Variants in KDM2A observed in about 807,000 individuals in gnomAD.
KDM2A encodes the protein lysine demethylase 2A, also known as lysine-specific demethylase 2A.
A neutral mutation model predicts 137.3 loss-of-function variants in KDM2A; 3 were observed. That is an observed-to-expected ratio of 0.02 (90% CI 0.01 to 0.06). The LOEUF (loss-of-function observed/expected upper bound fraction) is 0.06. KDM2A is among the 10% of genes least tolerant of loss of function. The pLI, the probability that KDM2A is intolerant of heterozygous loss-of-function variation, is 1.00. For synonymous variants in KDM2A, 512 were observed against 541.5 expected (o/e 0.95, Z 0.76); for missense variants, 738 against 1,510.6 (o/e 0.49, Z 8.48).
At chr11:67,223,118 G>C (rs1858419822) in intron 10 of KDM2A, among the ~76,000 whole-genome samples, 1 of 151,724 alleles carries the variant, frequency 6.6e-6, no homozygotes. Flanking sequence ...CTTGAACCTG[G>C]GAGGCGGAGG....
intron 2 of KDM2A, among the ~76,000 whole-genome samples, chr11:67,158,439 A>C (rs1856567943): frequency 6.6e-6 from 1 of 152,204 alleles, no homozygotes; most frequent in Non-Finnish European, 1.5e-5. Context: ...TTGAGTCAGC[A>C]CATTTTATGG....
At chr11:67,175,488 G>T (rs1222924680) in intron 2 of KDM2A, among the ~76,000 whole-genome samples, 2 of 152,188 alleles carry the variant, frequency 1.3e-5, no homozygotes, top group African/African-American at 2.4e-5. Context: ...CTTTCCAGTT[G>T]CAATAATCAA....
At chr11:67,211,229 A>T (rs1857969024) in intron 6 of KDM2A, among the ~76,000 whole-genome samples, 1 of 152,010 alleles carries the variant, frequency 6.6e-6, no homozygotes, top group Admixed American at 6.6e-5. Flanking sequence ...GGTAAAATTG[A>T]TGTTCAGTAA....
chr11:67,236,753 G>T (rs768252885), intron 12 of KDM2A, among the ~76,000 whole-genome samples: 8 of 152,128 alleles, frequency 5.3e-5, no homozygotes, highest in Non-Finnish European at 8.8e-5. Flanking sequence ...TTAATAAGCA[G>T]TGCATTATTA....
chr11:67,142,338 A>G (rs893371100), intron 2 of KDM2A, among the ~76,000 whole-genome samples: 6 of 148,404 alleles, frequency 4.0e-5, no homozygotes, highest in African/African-American at 1.5e-4. Context: ...CGCCCACTGT[A>G]TATCTAGTTT....
rs540198113 is a variant in KDM2A at position 67,129,661 on chromosome 11, G to A, written c.42+8303G>A. On this transcript the variant is annotated intron_variant, in intron 2 of 20. Coordinates refer to ENST00000529006, the MANE Select transcript of KDM2A (RefSeq NM_012308.3). Reference sequence around the variant, plus strand: ...AGGCAGGAGAATGGTGTGAACCCGGGAGGCGGAGCTTGCAGTGAGCCCAGA... The same window carrying A: ...AGGCAGGAGAATGGTGTGAACCCGGAAGGCGGAGCTTGCAGTGAGCCCAGA... Among the ~76,000 whole-genome samples, 5 of 151,328 alleles carry A rather than the reference G, an allele frequency of 3.3e-5. No homozygotes were observed. The South Asian group carries it at 1.0e-3, about 32-fold the overall frequency.
intron 5 of KDM2A, among the ~76,000 whole-genome samples, chr11:67,201,908 T>TC (rs1232029281): frequency 6.6e-6 from 1 of 151,554 alleles, no homozygotes; most frequent in Non-Finnish European, 1.5e-5. Context: ...TGAGCTCTGA[T>TC]CTTGCCACTC....
chr11:67,205,289 A>G (rs754459566), intron 5 of KDM2A, among the ~76,000 whole-genome samples: 3 of 152,166 alleles, frequency 2.0e-5, no homozygotes, highest in Non-Finnish European at 2.9e-5. Context: ...CCATTGCCTT[A>G]CATTATTAGT....
At chr11:67,130,483 T>C (rs928844328) in intron 2 of KDM2A, among the ~76,000 whole-genome samples, 2 of 152,174 alleles carry the variant, frequency 1.3e-5, no homozygotes, top group Non-Finnish European at 2.9e-5. Context: ...AAACTGTGCC[T>C]AGGTTTTGCT....
At chr11:67,180,051 T>C in intron 2 of KDM2A, 28 bp from the exon 3 acceptor site, 1 of 1,592,340 alleles carries the variant, frequency 6.3e-7, no homozygotes, top group Non-Finnish European at 8.6e-7. Context: ...AGTGCATGAT[T>C]TCATCAGTAT....
intron 2 of KDM2A, among the ~76,000 whole-genome samples, chr11:67,151,688 A>G (rs1333148129): frequency 6.6e-6 from 1 of 152,144 alleles, no homozygotes; most frequent in Non-Finnish European, 1.5e-5. Context: ...AAAGGATTAA[A>G]ATAGCCCCAT....
intron 5 of KDM2A, among the ~76,000 whole-genome samples, chr11:67,200,413 T>C (rs1857589861): frequency 6.6e-6 from 1 of 152,108 alleles, no homozygotes; most frequent in Admixed American, 6.5e-5. Context: ...GAGATGGGGT[T>C]TCACCATGTT....
At position 67,221,391 on chromosome 11, in the gene KDM2A, TA is replaced by T. The variant is rs553697963; in HGVS notation, c.957+1993del. ...AACTTTTTGGTAGAATTAAAAGTAT[TA>T]AAAATTTTAAAATAACAATTAATGA... On this transcript the variant is annotated intron_variant, in intron 10 of 20. Coordinates refer to ENST00000529006, the MANE Select transcript of KDM2A (RefSeq NM_012308.3). Among the ~76,000 whole-genome samples the T allele has an allele frequency of 2.6e-5, 4 of 152,336 alleles. No individual in the cohort carries two copies. The South Asian group carries it at 8.3e-4, about 32-fold the overall frequency.
chr11:67,184,120 G>T (rs1050913426), intron 5 of KDM2A, among the ~76,000 whole-genome samples: 2 of 148,414 alleles, frequency 1.3e-5, no homozygotes, highest in Non-Finnish European at 3.0e-5. Flanking sequence ...AAAAAAGGCA[G>T]GTGGGGCAGT....
intron 5 of KDM2A, among the ~76,000 whole-genome samples, chr11:67,201,790 A>G (rs1250729797): frequency 6.8e-6 from 1 of 146,876 alleles, no homozygotes; most frequent in Non-Finnish European, 1.5e-5. Context: ...AAAAAAAAAA[A>G]AAAAAAAAAA....
At chr11:67,137,998 A>G (rs1368897734) in intron 2 of KDM2A, among the ~76,000 whole-genome samples, 1 of 152,116 alleles carries the variant, frequency 6.6e-6, no homozygotes, top group Non-Finnish European at 1.5e-5. Context: ...GGGTTTCACC[A>G]TGTTGGCCAG....
intron 13 of KDM2A, among the ~76,000 whole-genome samples, chr11:67,244,277 A>G (rs1189157792): frequency 1.3e-5 from 2 of 152,252 alleles, no homozygotes; most frequent in Admixed American, 6.5e-5. Flanking sequence ...TGAAAAGGTC[A>G]CCAGCAGGGT....
chr11:67,147,333 G>A (rs543768198), intron 2 of KDM2A, among the ~76,000 whole-genome samples: 1 of 152,110 alleles, frequency 6.6e-6, no homozygotes, highest in African/African-American at 2.4e-5. Flanking sequence ...ATGAGGTCAG[G>A]AGATTGAGAC....
chr11:67,186,894 C>T (rs1473072413), intron 5 of KDM2A, among the ~76,000 whole-genome samples: 1 of 152,084 alleles, frequency 6.6e-6, no homozygotes, highest in Non-Finnish European at 1.5e-5. Flanking sequence ...ATAGCAAAGA[C>T]CCATTTCTTC....
Sources: allele counts gnomAD v4.1 joint callset (sites outside exome capture counted in the v4.1 genomes callset), GRCh38; gene constraint gnomAD v4.1.1; transcripts MANE v1.5; gene names NCBI Gene and HGNC (gene_info 2026-07-23, HGNC 2026-07-21).